MKLN1: variants seen among roughly 807,000 people sequenced by gnomAD.
The protein encoded by MKLN1 is muskelin.
In MKLN1, 18 loss-of-function variants were observed where a neutral mutation model predicts 99.0. The ratio of observed to expected loss-of-function variants is 0.18; its 90% CI spans 0.13 to 0.27. The LOEUF (loss-of-function observed/expected upper bound fraction) is 0.27. Among genes scored for constraint, MKLN1 ranks in the 10% least tolerant of loss-of-function variants. MKLN1 has a pLI of 1.00. For synonymous variants in MKLN1, 288 were observed against 293.2 expected, an observed-to-expected ratio of 0.98 and a Z score of 0.18; for missense variants, 621 against 875.9, an observed-to-expected ratio of 0.71 and a Z score of 3.67.
In MKLN1 at chr7:131,455,633, CTGGTTA is replaced by C. The variant is rs1345367134; in HGVS notation, c.1526-7583_1526-7578del. Reference sequence around the variant, plus strand: ...TTTCTAAACTGGTTAAGGTTAAAGACTGGTTAAGGTCCTGGCATTTAGTTGAGCTTT... The same window carrying C: ...TTTCTAAACTGGTTAAGGTTAAAGACAGGTCCTGGCATTTAGTTGAGCTTT... On this transcript the variant is annotated intron_variant, in intron 12 of 17. Coordinates refer to ENST00000352689, the MANE Select transcript of MKLN1 (RefSeq NM_013255.5). Among the ~76,000 whole-genome samples, 7 of 152,202 alleles carry C rather than the reference CTGGTTA, an allele frequency of 4.6e-5. No individual in the cohort carries two copies. The East Asian group carries it at 9.7e-4, about 21-fold the overall frequency.
chr7:131,459,115 G>T (rs1796433717), intron 12 of MKLN1, among the ~76,000 whole-genome samples: 1 of 152,138 alleles, frequency 6.6e-6, no homozygotes, highest in Non-Finnish European at 1.5e-5. Flanking sequence ...AATATGATTG[G>T]GTAAAAGGCT....
intron 9 of MKLN1, among the ~76,000 whole-genome samples, chr7:131,433,468 T>G (rs1253045570): frequency 6.6e-6 from 1 of 151,966 alleles, no homozygotes; most frequent in Non-Finnish European, 1.5e-5. Context: ...ATTTCAAGAT[T>G]ATGAAAATAT....
At chr7:131,153,326 T>C (rs1005217591) in intron 2 of MKLN1, among the ~76,000 whole-genome samples, 1 of 152,156 alleles carries the variant, frequency 6.6e-6, no homozygotes, top group Non-Finnish European at 1.5e-5. Flanking sequence ...TTATTATTCT[T>C]ATTAATGCTT....
intron 6 of MKLN1, among the ~76,000 whole-genome samples, chr7:131,400,498 A>C (rs1268220497): frequency 7.2e-6 from 1 of 138,336 alleles, no homozygotes; most frequent in Non-Finnish European, 1.5e-5. Flanking sequence ...CAGACTTTAA[A>C]ATGCTACCAA....
chr7:131,375,665 T>C (rs913219739), intron 2 of MKLN1, among the ~76,000 whole-genome samples, 172 bp downstream of exon 2: 1 of 152,124 alleles, frequency 6.6e-6, no homozygotes, highest in Non-Finnish European at 1.5e-5. Context: ...AGAATTTTTA[T>C]CTCATAGGCA....
intron 3 of MKLN1, among the ~76,000 whole-genome samples, chr7:131,254,382 T>G (rs1797626441): frequency 1.3e-5 from 2 of 152,096 alleles, no homozygotes; most frequent in African/African-American, 4.8e-5. Context: ...TACGAGACAT[T>G]CACAGAAACA....
chr7:131,280,131 A>G (rs937126174), intron 3 of MKLN1, among the ~76,000 whole-genome samples: 2 of 152,166 alleles, frequency 1.3e-5, no homozygotes, highest in Non-Finnish European at 2.9e-5. Flanking sequence ...AGCATCTATC[A>G]TCAGTAATTA....
intron 17 of MKLN1, among the ~76,000 whole-genome samples, chr7:131,486,629 ACT>A (rs1390515710): frequency 6.6e-6 from 1 of 151,734 alleles, no homozygotes; most frequent in African/African-American, 2.4e-5. Context: ...GGCATATATA[ACT>A]CTTGATGGCT....
In MKLN1 at chr7:131,272,067, GGACA is replaced by G. The variant is rs144269275; in HGVS notation, c.-179+69098_-179+69101del. ...GCAGAAGTGATGTTGGTCATTGCTG[GGACA>G]GACAAAGACGTAAGTTTGCCTTTGC... On this transcript the variant is annotated intron_variant, in intron 3 of 7. Coordinates refer to the MKLN1 transcript ENST00000416992. Among the ~76,000 whole-genome samples, 887 of 152,286 alleles carry G rather than the reference GGACA, an allele frequency of 5.8e-3. 11 individuals are homozygous for G. The highest frequency in any genetic ancestry group is 0.031 in the Middle Eastern group (9 of 294).
chr7:131,123,272 A>C (rs1444950499), intron 1 of MKLN1, among the ~76,000 whole-genome samples: 3 of 152,312 alleles, frequency 2.0e-5, no homozygotes, highest in South Asian at 4.1e-4. Context: ...ATTTCTATAA[A>C]GGGCCAGAAA....
At chr7:131,293,031 C>A (rs1798244360) in intron 3 of MKLN1, among the ~76,000 whole-genome samples, 1 of 152,220 alleles carries the variant, frequency 6.6e-6, no homozygotes, top group Non-Finnish European at 1.5e-5. Context: ...CTACCACTTA[C>A]CTCTGGGCTG....
In MKLN1 at chr7:131,488,209, A is replaced by G. The variant is rs1797338580; in HGVS notation, c.*481A>G. On this transcript the variant is annotated 3_prime_UTR_variant, in exon 18 of 18. Coordinates refer to ENST00000352689, the MANE Select transcript of MKLN1 (RefSeq NM_013255.5). ...CACACAACTGCGTGTAAATGGTGTCACTTGTTCACCTCTTTACTTCATTCT... is the reference window on the plus strand; with the variant it reads ...CACACAACTGCGTGTAAATGGTGTCGCTTGTTCACCTCTTTACTTCATTCT... 6.6e-6 allele frequency: 1 copy of G among 151,998 alleles called. No homozygotes were observed. Among genetic ancestry groups the G allele is most frequent in the Non-Finnish European group, 1.5e-5 (1 of 68,026 alleles). 9.4% of individuals were successfully genotyped at this position (151,998 alleles called of 1,614,324 possible). A position where few individuals can be genotyped will look rare whatever the true frequency, so the allele number is the denominator to read the frequency against.
At chr7:131,265,383 C>T (rs1563272173) in intron 3 of MKLN1, among the ~76,000 whole-genome samples, 2 of 152,088 alleles carry the variant, frequency 1.3e-5, no homozygotes, top group Non-Finnish European at 2.9e-5. Context: ...TTCTTTCTTT[C>T]TTCTCTCTTA....
intron 7 of MKLN1, among the ~76,000 whole-genome samples, chr7:131,413,315 A>G (rs1300023539): frequency 2.0e-5 from 3 of 152,226 alleles, no homozygotes; most frequent in Non-Finnish European, 4.4e-5. Flanking sequence ...TATTTTCTGT[A>G]TATAAGAACT....
chr7:131,188,050 A>AAACT (rs1796478866), intron 2 of MKLN1, among the ~76,000 whole-genome samples: 1 of 152,170 alleles, frequency 6.6e-6, no homozygotes, highest in Non-Finnish European at 1.5e-5. Flanking sequence ...TATTTAAAAC[A>AAACT]AGGTATTGGG....
intron 3 of MKLN1, among the ~76,000 whole-genome samples, chr7:131,257,271 G>C (rs2116528289): frequency 6.6e-6 from 1 of 152,298 alleles, no homozygotes; most frequent in East Asian, 1.9e-4. Context: ...TATAAAGCAT[G>C]ACTTCTGACC....
chr7:131,162,045 C>T (rs2116315531), intron 2 of MKLN1, among the ~76,000 whole-genome samples: 2 of 147,728 alleles, frequency 1.4e-5, no homozygotes, highest in Admixed American at 1.4e-4. Flanking sequence ...TACACACACA[C>T]ACATATATAT....
rs548219261 is a variant in MKLN1, at chr7:131,263,274, A to C, written c.-179+60300A>C. 4.6e-5 allele frequency among the ~76,000 whole-genome samples: 7 copies of C among 151,918 alleles called. No individual in the cohort carries two copies. In the East Asian group the frequency reaches 1.4e-3, roughly 30 times the overall value. On this transcript the variant is annotated intron_variant, in intron 3 of 7. Coordinates refer to the MKLN1 transcript ENST00000416992. ...GTACTCCCAGCACTTTGGGAGGCCG[A>C]GACAGGATTACTTTAGCCCAGAAGT...
At chr7:131,442,925 T>C (rs1471235345) in intron 10 of MKLN1, among the ~76,000 whole-genome samples, 1 of 152,190 alleles carries the variant, frequency 6.6e-6, no homozygotes, top group Non-Finnish European at 1.5e-5. Flanking sequence ...GTAGGCAGAG[T>C]TCTTCACATT....
Sources: gnomAD v4.1 joint callset for allele counts (sites outside exome capture counted in the v4.1 genomes callset) on GRCh38, gnomAD v4.1.1 for gene constraint, MANE v1.5 for transcripts, NCBI Gene and HGNC (gene_info 2026-07-23, HGNC 2026-07-21) for gene names.